TEX11: variants seen among roughly 807,000 people sequenced by gnomAD.
TEX11 encodes the protein testis expressed 11.
Under a neutral mutation model 84.4 loss-of-function variants are expected in TEX11, and 7 were observed. The ratio of observed to expected loss-of-function variants is 0.08; its 90% CI spans 0.05 to 0.16. TEX11 has a LOEUF of 0.16. Among genes scored for constraint, TEX11 ranks in the 10% least tolerant of loss-of-function variants. The probability of loss-of-function intolerance (pLI) is 1.00; values close to 1 mark genes in which losing one functional copy is unlikely to be tolerated. For synonymous variants in TEX11, 264 were observed against 222.8 expected, an observed-to-expected ratio of 1.18 and a Z score of -1.64; for missense variants, 551 against 660.5, an observed-to-expected ratio of 0.83 and a Z score of 1.82.
chrX:70,744,136 A>G, intron 10 of TEX11, 29 bp downstream of exon 10: 1 of 972,938 alleles, frequency 1.0e-6, no homozygotes, highest in Non-Finnish European at 1.4e-6. Context: ...TATTCAACCT[A>G]TTTCTACAAT....
intron 22 of TEX11, among the ~76,000 whole-genome samples, chrX:70,608,469 C>T (rs368734991): frequency 1.4e-4 from 16 of 111,987 alleles, no homozygotes; most frequent in Admixed American, 9.4e-5. Flanking sequence ...AGGCCAGGCA[C>T]GGTGGCTTAC....
At chrX:70,830,799 A>G (rs1167956798) in intron 8 of TEX11, among the ~76,000 whole-genome samples, 1 of 112,201 alleles carries the variant, frequency 8.9e-6, no homozygotes, top group Non-Finnish European at 1.9e-5. Flanking sequence ...TATTATCAAA[A>G]AGACAAAAGA....
intron 25 of TEX11, among the ~76,000 whole-genome samples, chrX:70,559,541 TGG>T (rs997660583): frequency 3.6e-5 from 4 of 112,257 alleles, no homozygotes; most frequent in African/African-American, 1.3e-4. Flanking sequence ...TACACTTTGA[TGG>T]GTGAACTGCA....
At chrX:70,686,691 T>C (rs1448154721) in intron 13 of TEX11, among the ~76,000 whole-genome samples, 1 of 69,634 alleles carries the variant, frequency 1.4e-5, no homozygotes, top group Non-Finnish European at 3.1e-5. Context: ...ATCCAGAACT[T>C]AAAGTAAAAA....
intron 7 of TEX11, among the ~76,000 whole-genome samples, chrX:70,847,708 A>T (rs2091486989): frequency 9.1e-6 from 1 of 109,859 alleles, no homozygotes; most frequent in African/African-American, 3.3e-5. Flanking sequence ...TGCCTGGCTA[A>T]TTTTTTTTCT....
At chrX:70,683,417 G>A (rs1055303333) in intron 13 of TEX11, among the ~76,000 whole-genome samples, 10 of 111,660 alleles carry the variant, frequency 9.0e-5, no homozygotes, top group Non-Finnish European at 1.5e-4. Flanking sequence ...GACTGCTTGA[G>A]CCTAGGAGTT....
intron 3 of TEX11, among the ~76,000 whole-genome samples, chrX:70,878,966 A>G (rs1466746966): frequency 3.7e-4 from 42 of 112,530 alleles, no homozygotes; most frequent in Non-Finnish European, 2.6e-4. Flanking sequence ...GTACAAATAC[A>G]TGCAACAATA....
intron 28 of TEX11, among the ~76,000 whole-genome samples, chrX:70,537,528 G>A (rs1193198504): frequency 9.6e-6 from 1 of 104,421 alleles, no homozygotes; most frequent in Non-Finnish European, 2.0e-5. Flanking sequence ...AAGAAGGGAG[G>A]GAAGAAGGAA....
At chrX:70,758,723 G>A (rs767218075) in intron 9 of TEX11, among the ~76,000 whole-genome samples, 1 of 111,656 alleles carries the variant, frequency 9.0e-6, no homozygotes, top group Non-Finnish European at 1.9e-5. Context: ...AGAAGCAAGT[G>A]CAAACAAATT....
chrX:70,529,248 C>T, intron 29 of TEX11, 61 bp from the exon 30 acceptor site: 1 of 906,730 alleles, frequency 1.1e-6, no homozygotes, highest in Non-Finnish European at 1.6e-6. Context: ...GAAAGCTTCC[C>T]AGACCCACGG....
chrX:70,837,993 A>T (rs977978845), intron 7 of TEX11, among the ~76,000 whole-genome samples: 2 of 112,571 alleles, frequency 1.8e-5, no homozygotes, highest in African/African-American at 6.4e-5. Context: ...TCCTGGTTTT[A>T]TATTGCACTA....
chrX:70,839,044 T>C (rs894614674), intron 7 of TEX11, among the ~76,000 whole-genome samples: 38 of 112,826 alleles, frequency 3.4e-4, no homozygotes, highest in African/African-American at 1.2e-3. Context: ...TGCCTGCCTC[T>C]GTAGGCTCCA....
chrX:70,592,033 A>G (rs914502758), intron 24 of TEX11, among the ~76,000 whole-genome samples: 1 of 112,066 alleles, frequency 8.9e-6, no homozygotes, highest in Non-Finnish European at 1.9e-5. Flanking sequence ...AGGATTAAAT[A>G]GAAAATCTTG....
intron 13 of TEX11, among the ~76,000 whole-genome samples, chrX:70,711,107 G>A (rs2090427809): frequency 1.8e-5 from 2 of 110,625 alleles, no homozygotes; most frequent in South Asian, 3.9e-4. Context: ...GTCCCTACAA[G>A]GGACATGAAC....
the TEX11 span, among the ~76,000 whole-genome samples, chrX:70,515,065 T>TCACACACA: frequency 7.7e-3 from 672 of 87,591 alleles, 4 homozygotes; most frequent in South Asian, 0.015. Flanking sequence ...TGAAACTCGG[T>TCACACACA]CACACACACA....
chrX:70,639,386 G>A (rs2089619057), intron 17 of TEX11, among the ~76,000 whole-genome samples: 1 of 112,154 alleles, frequency 8.9e-6, no homozygotes, highest in African/African-American at 3.2e-5. Context: ...AAACAAAGCA[G>A]CCGGGAAGCT....
At chrX:70,569,335 T>A (rs2088550270) in intron 25 of TEX11, among the ~76,000 whole-genome samples, 1 of 111,772 alleles carries the variant, frequency 8.9e-6, no homozygotes, top group Admixed American at 9.6e-5. Flanking sequence ...TTTCAACTTC[T>A]TTGCCTTTGG....
rs550173736 is a variant in TEX11 at position 70,839,911 on chromosome X, G to A, written c.526-6318C>T. The stretch of plus-strand genomic sequence containing the variant: ...TCAGTGATGGAAGATGAAATGAAGC[G>A]AGAAGAGAAGTTTAGAGAAAAAAGA... On this transcript the variant is annotated intron_variant, in intron 7 of 29. Transcript: ENST00000374333. Among the ~76,000 whole-genome samples the A allele has an allele frequency of 1.8e-3, 202 of 111,021 alleles. 4 individuals are homozygous for A. The South Asian group carries it at 0.076, about 42-fold the overall frequency.
the TEX11 span, among the ~76,000 whole-genome samples, chrX:70,514,758 G>A: frequency 9.1e-6 from 1 of 110,074 alleles, no homozygotes; most frequent in Non-Finnish European, 1.9e-5. Flanking sequence ...GTTGCTGTAA[G>A]TTTCCTTTTC....
Sources: gnomAD v4.1 joint callset for allele counts (sites outside exome capture counted in the v4.1 genomes callset) on GRCh38, gnomAD v4.1.1 for gene constraint, MANE v1.5 for transcripts, NCBI Gene and HGNC (gene_info 2026-07-23, HGNC 2026-07-21) for gene names.